The following AGPAT5 variants were observed in gnomAD, a reference collection of about 807,000 sequenced individuals.
AGPAT5 encodes 1-acylglycerol-3-phosphate O-acyltransferase 5.
Under a neutral mutation model 45.6 loss-of-function variants are expected in AGPAT5, and 46 were observed. The ratio of observed to expected loss-of-function variants is 1.01; its 90% CI spans 0.80 to 1.29. AGPAT5 has a LOEUF of 1.29. Among genes scored for constraint, AGPAT5 ranks in the 50% most tolerant of loss-of-function variants. AGPAT5 has a pLI of 0.00. For synonymous variants in AGPAT5, 272 were observed against 167.0 expected, an observed-to-expected ratio of 1.63 and a Z score of -4.85; for missense variants, 673 against 450.7, an observed-to-expected ratio of 1.49 and a Z score of -4.47.
intron 1 of AGPAT5, among the ~76,000 whole-genome samples, chr8:6,714,358 A>G (rs962718156): frequency 3.3e-5 from 5 of 152,218 alleles, no homozygotes; most frequent in African/African-American, 4.8e-5. Context: ...ACATTTCCCA[A>G]TCAAATACAA....
chr8:6,756,554 A>C (rs1324361720), intron 7 of AGPAT5, among the ~76,000 whole-genome samples: 1 of 150,352 alleles, frequency 6.7e-6, no homozygotes, highest in East Asian at 2.0e-4. Flanking sequence ...GAAGGTTGAG[A>C]CTGCAGTGAG....
rs571966623 is a variant in AGPAT5, at chr8:6,760,317, C to G, written c.*2929C>G. 7.1e-4 allele frequency among the ~76,000 whole-genome samples: 108 copies of G among 152,200 alleles called. No individual in the cohort carries two copies. Among genetic ancestry groups the G allele is most frequent in the African/African-American group, 2.5e-3 (102 of 41,520 alleles). On this transcript the variant is annotated 3_prime_UTR_variant, in exon 8 of 8. Coordinates refer to ENST00000285518, the MANE Select transcript of AGPAT5 (RefSeq NM_018361.5). ...GGAGGGTGAGGTGGGAGGATCGCTT[C>G]AGCCCAGGAGGTTGAGATTGCAGTG... is the stretch of plus-strand genomic sequence containing the variant.
chr8:6,719,509 G>A (rs971890924), intron 1 of AGPAT5, among the ~76,000 whole-genome samples: 1 of 152,306 alleles, frequency 6.6e-6, no homozygotes, highest in Non-Finnish European at 1.5e-5. Flanking sequence ...GAGGGAACCT[G>A]ATTATGACCA....
rs554664863 is a variant in AGPAT5 at position 6,737,670 on chromosome 8, T to G, written c.496-3991T>G. Among the ~76,000 whole-genome samples, 180 of 152,356 alleles carry G rather than the reference T, an allele frequency of 1.2e-3. 1 individual carries two copies. Among genetic ancestry groups the G allele is most frequent in the African/African-American group, 4.0e-3 (166 of 41,590 alleles). On this transcript the variant is annotated intron_variant, in intron 4 of 7. Transcript: ENST00000285518. ...AACACTTTTTCTTCCAGCTTTCACT[T>G]AAGTTCCTTTTCAGATAGGAGGCAG...
intron 4 of AGPAT5, among the ~76,000 whole-genome samples, chr8:6,736,555 T>C (rs1248831279): frequency 6.6e-6 from 1 of 152,250 alleles, no homozygotes; most frequent in Non-Finnish European, 1.5e-5. Flanking sequence ...TTTCTTTCCT[T>C]GTTTGCTTTG....
intron 1 of AGPAT5, among the ~76,000 whole-genome samples, chr8:6,717,278 T>G (rs1381801596): frequency 1.3e-5 from 2 of 152,164 alleles, no homozygotes; most frequent in African/African-American, 4.8e-5. Flanking sequence ...CTTGAAGATT[T>G]TAGAGTACTT....
chr8:6,713,665 C>T (rs560513014), intron 1 of AGPAT5, among the ~76,000 whole-genome samples: 23 of 152,244 alleles, frequency 1.5e-4, no homozygotes, highest in South Asian at 6.2e-4. Context: ...GCGGTCCTCC[C>T]ACCTCAGCCT....
chr8:6,730,113 C>G (rs551780372), intron 2 of AGPAT5, among the ~76,000 whole-genome samples: 50 of 151,560 alleles, frequency 3.3e-4, no homozygotes, highest in Non-Finnish European at 5.7e-4. Context: ...ACTTTGTTTT[C>G]TAGACTTTAG....
intron 6 of AGPAT5, among the ~76,000 whole-genome samples, chr8:6,753,588 C>A (rs940963378): frequency 1.1e-4 from 17 of 152,174 alleles, no homozygotes; most frequent in African/African-American, 3.6e-4. Context: ...TAGACTTGCA[C>A]CCTTAGGCAC....
chr8:6,760,711 C>T lies in AGPAT5; in HGVS notation c.*3323C>T, dbSNP rs1563313868. Among the ~76,000 whole-genome samples the T allele has an allele frequency of 6.6e-6, 1 of 152,140 alleles. No individual in the cohort carries two copies. Among genetic ancestry groups the T allele is most frequent in the Admixed American group, 6.5e-5 (1 of 15,270 alleles). The stretch of plus-strand genomic sequence containing the variant: ...AGATTTTTTCTCCCTCCTTTTGGGC[C>T]AGTTTTCATTACGAGTAACTCACAC... On this transcript the variant is annotated 3_prime_UTR_variant, in exon 8 of 8. Transcript: ENST00000285518.
At chr8:6,719,269 G>A (rs765529823) in intron 1 of AGPAT5, among the ~76,000 whole-genome samples, 2 of 152,184 alleles carry the variant, frequency 1.3e-5, no homozygotes, top group African/African-American at 2.4e-5. Flanking sequence ...AATTCCTAAT[G>A]CATGGTGGGA....
intron 1 of AGPAT5, among the ~76,000 whole-genome samples, chr8:6,719,789 C>G (rs1437820345): frequency 1.3e-5 from 2 of 152,188 alleles, no homozygotes; most frequent in African/African-American, 4.8e-5. Flanking sequence ...AAAAAATCTG[C>G]TCCTAATGGT....
rs187675149 is a variant in AGPAT5, at chr8:6,752,987, G to T, written c.746-2064G>T. Reference sequence around the variant, plus strand: ...GTTATAGCCCCACCATGGCTACGCTGGGCCTTGGTCGTCTCTGAGACTTAG... The same window carrying T: ...GTTATAGCCCCACCATGGCTACGCTTGGCCTTGGTCGTCTCTGAGACTTAG... On this transcript the variant is annotated intron_variant, in intron 6 of 7. Transcript: ENST00000285518. 4.7e-3 allele frequency among the ~76,000 whole-genome samples: 711 copies of T among 152,262 alleles called. 10 individuals are homozygous for T. Among genetic ancestry groups the T allele is most frequent in the Non-Finnish European group, 3.9e-3 (264 of 68,016 alleles).
Position 6,758,347 on chromosome 8 carries a change from C to G in AGPAT5, c.*959C>G, listed in dbSNP as rs933766507. 2 of 152,660 alleles carry G rather than the reference C, an allele frequency of 1.3e-5. No individual in the cohort carries two copies. The highest frequency in any genetic ancestry group is 4.8e-5 in the African/African-American group (2 of 41,456). The allele number at this position is 152,660 out of a possible 1,614,324, so 9.5% of individuals were successfully genotyped here. Reference sequence around the variant, plus strand: ...TTTTGCCTGCTTCTCTTTGATTTCACAGAATATTCATTCAGAAGTCGCGTT... The same window carrying G: ...TTTTGCCTGCTTCTCTTTGATTTCAGAGAATATTCATTCAGAAGTCGCGTT... On this transcript the variant is annotated 3_prime_UTR_variant, in exon 8 of 8. Transcript: ENST00000285518.
chr8:6,733,692 A>G (rs983184952), intron 4 of AGPAT5, among the ~76,000 whole-genome samples: 1 of 152,162 alleles, frequency 6.6e-6, no homozygotes, highest in Admixed American at 6.5e-5. Context: ...TAAGTTGGTA[A>G]TATGGTTTAT....
intron 4 of AGPAT5, among the ~76,000 whole-genome samples, chr8:6,735,701 G>C (rs1010368084): frequency 5.3e-5 from 8 of 151,730 alleles, no homozygotes; most frequent in African/African-American, 1.5e-4. Context: ...TGTTGTTGTA[G>C]GGTTGGCAGT....
chr8:6,735,693 TTG>T (rs1801027339), intron 4 of AGPAT5, among the ~76,000 whole-genome samples: 1 of 152,040 alleles, frequency 6.6e-6, no homozygotes, highest in African/African-American at 2.4e-5. Flanking sequence ...AGTGTTGTTG[TTG>T]TTGTAGGGTT....
At chr8:6,730,325 T>G (rs1169623843) in intron 2 of AGPAT5, among the ~76,000 whole-genome samples, 14 of 8,190 alleles carry the variant, frequency 1.7e-3, no homozygotes, top group South Asian at 5.1e-3. Flanking sequence ...GGACTTTTTT[T>G]TTTTTTTTTT....
chr8:6,733,388 G>C (rs529684993), intron 4 of AGPAT5, among the ~76,000 whole-genome samples: 8 of 152,170 alleles, frequency 5.3e-5, no homozygotes, highest in Non-Finnish European at 1.0e-4. Context: ...GCAGCAGCTG[G>C]AGCTCATGGT....
Sources: allele counts gnomAD v4.1 joint callset (sites outside exome capture counted in the v4.1 genomes callset), GRCh38; gene constraint gnomAD v4.1.1; transcripts MANE v1.5; gene names NCBI Gene and HGNC (gene_info 2026-07-23, HGNC 2026-07-21).